CRISPLD1: variants seen among roughly 807,000 people sequenced by gnomAD.
CRISPLD1 encodes cysteine-rich secretory protein LCCL domain-containing 1.
A neutral mutation model predicts 77.5 loss-of-function variants in CRISPLD1; 60 were observed. That is an observed-to-expected ratio of 0.77 (90% CI 0.63 to 0.96). The LOEUF is 0.96. CRISPLD1 is among the 40% of genes least tolerant of loss of function. The pLI, the probability that CRISPLD1 is intolerant of heterozygous loss-of-function variation, is 0.00. For missense variants in CRISPLD1, 623 were observed against 615.8 expected (o/e 1.01, Z -0.12); for synonymous variants, 195 against 200.1 (o/e 0.97, Z 0.22).
intron 2 of CRISPLD1, among the ~76,000 whole-genome samples, chr8:74,989,539 ATG>A (rs1249237010): frequency 5.6e-5 from 7 of 125,854 alleles, no homozygotes; most frequent in African/African-American, 2.6e-4. Context: ...GGCCATTTTT[ATG>A]TTTTTTTTTT....
At chr8:74,990,131 T>G (rs751961077) in intron 2 of CRISPLD1, among the ~76,000 whole-genome samples, 2 of 152,114 alleles carry the variant, frequency 1.3e-5, no homozygotes, top group Non-Finnish European at 2.9e-5. Flanking sequence ...GATGAGAAAT[T>G]ATGTAACGTG....
intron 12 of CRISPLD1, among the ~76,000 whole-genome samples, chr8:75,023,558 AAACTAT>A (rs1275517309): frequency 1.3e-5 from 2 of 152,232 alleles, no homozygotes; most frequent in Admixed American, 6.5e-5. Context: ...TTAGAAATAA[AAACTAT>A]AACTATTTCT....
At chr8:75,028,510 T>C (rs1422417402) in intron 13 of CRISPLD1, among the ~76,000 whole-genome samples, 1 of 152,218 alleles carries the variant, frequency 6.6e-6, no homozygotes, top group African/African-American at 2.4e-5. Context: ...CCTTGGATTG[T>C]ACTTAGTTGT....
chr8:74,989,390 G>A (rs1293315751), intron 2 of CRISPLD1, among the ~76,000 whole-genome samples: 2 of 152,084 alleles, frequency 1.3e-5, no homozygotes, highest in Non-Finnish European at 2.9e-5. Flanking sequence ...GAAAAAATAC[G>A]GCTTTGGATC....
At chr8:74,993,095 G>A (rs567306078) in intron 2 of CRISPLD1, among the ~76,000 whole-genome samples, 3 of 152,078 alleles carry the variant, frequency 2.0e-5, no homozygotes, top group Admixed American at 2.0e-4. Flanking sequence ...GCTATCAGCG[G>A]TATATGTCCA....
At chr8:74,990,461 A>G (rs745706856) in intron 2 of CRISPLD1, among the ~76,000 whole-genome samples, 1 of 151,982 alleles carries the variant, frequency 6.6e-6, no homozygotes, top group African/African-American at 2.4e-5. Context: ...TTGTTTCCCA[A>G]CTTTTCATTT....
intron 2 of CRISPLD1, among the ~76,000 whole-genome samples, chr8:74,988,894 G>A (rs534775608): frequency 7.9e-5 from 12 of 152,302 alleles, no homozygotes; most frequent in South Asian, 4.1e-4. Context: ...GCTCATTGGC[G>A]TTGAGAATAA....
At chr8:75,018,161 A>G (rs537961244) in intron 10 of CRISPLD1, among the ~76,000 whole-genome samples, 23 of 152,322 alleles carry the variant, frequency 1.5e-4, no homozygotes, top group African/African-American at 5.1e-4. Context: ...TTTTGTTACA[A>G]TACAGTTGCA....
At chr8:74,990,978 G>C (rs1812564420) in intron 2 of CRISPLD1, among the ~76,000 whole-genome samples, 1 of 151,246 alleles carries the variant, frequency 6.6e-6, no homozygotes, top group African/African-American at 2.4e-5. Flanking sequence ...TGCCCACCTA[G>C]CAGACTATAC....
intron 14 of CRISPLD1, among the ~76,000 whole-genome samples, chr8:75,030,293 C>T (rs990279607): frequency 9.2e-5 from 14 of 152,114 alleles, no homozygotes; most frequent in Non-Finnish European, 1.8e-4. Context: ...ACATAACCAT[C>T]TGGGTGTCAT....
chr8:75,017,275 A>G, intron 9 of CRISPLD1, 45 bp from the exon 10 acceptor site: 1 of 1,598,824 alleles, frequency 6.3e-7, no homozygotes, highest in African/African-American at 1.4e-5. Context: ...CTTATGCAGA[A>G]CTCTAATATT....
intron 10 of CRISPLD1, among the ~76,000 whole-genome samples, chr8:75,018,997 T>C (rs922306328): frequency 2.0e-5 from 3 of 152,238 alleles, no homozygotes; most frequent in African/African-American, 7.2e-5. Flanking sequence ...AGCCAAGCAG[T>C]GGGTGTTCTG....
intron 2 of CRISPLD1, among the ~76,000 whole-genome samples, chr8:74,990,325 G>C (rs1475014525): frequency 6.6e-6 from 1 of 151,624 alleles, no homozygotes; most frequent in Non-Finnish European, 1.5e-5. Context: ...GTTGTAGTGA[G>C]ATAAGACATT....
chr8:74,985,643 C>T (rs1812483988), intron 1 of CRISPLD1, among the ~76,000 whole-genome samples: 1 of 152,050 alleles, frequency 6.6e-6, no homozygotes, highest in Non-Finnish European at 1.5e-5. Context: ...TATTTTCAAG[C>T]TTTGACTCTT....
chr8:75,020,573 A>G (rs942616996), intron 12 of CRISPLD1, among the ~76,000 whole-genome samples: 2 of 152,154 alleles, frequency 1.3e-5, no homozygotes, highest in African/African-American at 4.8e-5. Flanking sequence ...CACTAATCCT[A>G]TTGGATGAGG....
At chr8:74,996,057 A>T (rs1383098250) in intron 2 of CRISPLD1, among the ~76,000 whole-genome samples, 4 of 147,036 alleles carry the variant, frequency 2.7e-5, no homozygotes, top group Non-Finnish European at 3.0e-5. Flanking sequence ...TATATATATA[A>T]ATACGCATGT....
intron 1 of CRISPLD1, 108 bp downstream of exon 1, chr8:74,985,028 A>G (rs549623045): frequency 1.8e-4 from 27 of 150,658 alleles, no homozygotes; most frequent in African/African-American, 6.6e-4. Flanking sequence ...CCAACTGTAC[A>G]GAGTGGTTGG....
rs181455180 is a variant in CRISPLD1 at position 75,009,374 on chromosome 8, C to G, written c.259-3059C>G. ...AAGCTTTGTTTCCTAACCTAGCTAC[C>G]GAAGTCTCCCAGCCTCTTTCTGTTT... On this transcript the variant is annotated intron_variant, in intron 2 of 14. Coordinates refer to ENST00000262207, the MANE Select transcript of CRISPLD1 (RefSeq NM_031461.6). Among the ~76,000 whole-genome samples the G allele has an allele frequency of 3.9e-5, 6 of 152,076 alleles. No homozygotes were observed. In the East Asian group the frequency reaches 1.2e-3, roughly 29 times the overall value.
rs572447300 is a variant in CRISPLD1, at chr8:75,021,310, A to G, written c.1244+1231A>G. ...AGTACTTCATTTTCTGTCAGTTTCT[A>G]AGTTACAGATGTGATATAAACAATA... On this transcript the variant is annotated intron_variant, in intron 12 of 14. Transcript: ENST00000262207. Among the ~76,000 whole-genome samples, 8 of 152,302 alleles carry G rather than the reference A, an allele frequency of 5.3e-5. No individual in the cohort carries two copies. The East Asian group carries it at 1.2e-3, about 22-fold the overall frequency.
Sources: allele counts gnomAD v4.1 joint callset (sites outside exome capture counted in the v4.1 genomes callset), GRCh38; gene constraint gnomAD v4.1.1; transcripts MANE v1.5; gene names NCBI Gene and HGNC (gene_info 2026-07-23, HGNC 2026-07-21).